Variants in RNF115 observed in about 807,000 individuals in gnomAD.
The protein encoded by RNF115 is ring finger protein 115, also known as E3 ubiquitin-protein ligase RNF115.
RNF115 carries 31 observed loss-of-function variants against 39.2 expected under a neutral mutation model. The ratio of observed to expected loss-of-function variants is 0.79; its 90% CI spans 0.59 to 1.07. RNF115 has a LOEUF of 1.07. RNF115 is among the 50% of genes least tolerant of loss of function. The pLI, the probability that RNF115 is intolerant of heterozygous loss-of-function variation, is 0.00. For missense variants in RNF115, 384 were observed against 381.7 expected (o/e 1.01, Z -0.05); for synonymous variants, 124 against 131.0 (o/e 0.95, Z 0.37).
At chr1:145,759,386 T>G (rs1658418264) in intron 4 of RNF115, among the ~76,000 whole-genome samples, 1 of 152,178 alleles carries the variant, frequency 6.6e-6, no homozygotes, top group South Asian at 2.1e-4. Context: ...TCCTCCAAAC[T>G]TACTCCTCCT....
Position 145,814,151 on chromosome 1 carries a change from T to A in RNF115, c.102+9621A>T, listed in dbSNP as rs587658472. On this transcript the variant is annotated intron_variant, in intron 1 of 8. Transcript: ENST00000582693. ...TAGCCGGGTGTGGTGGTACAGCTAG[T>A]TGGGAGGCTGAGGTGGGAGGATTGC... 1.8e-4 allele frequency among the ~76,000 whole-genome samples: 27 copies of A among 150,922 alleles called. 1 individual carries two copies. In the East Asian group the frequency reaches 4.5e-3, roughly 25 times the overall value.
intron 1 of RNF115, among the ~76,000 whole-genome samples, chr1:145,808,649 C>G (rs1649563621): frequency 6.6e-6 from 1 of 152,064 alleles, no homozygotes; most frequent in African/African-American, 2.4e-5. Flanking sequence ...AGTAAATGTA[C>G]CATTATAAAT....
At chr1:145,779,526 C>G (rs1553717010) in intron 3 of RNF115, among the ~76,000 whole-genome samples, 1 of 151,962 alleles carries the variant, frequency 6.6e-6, no homozygotes, top group African/African-American at 2.4e-5. Flanking sequence ...GACATAATAC[C>G]AAGTAAATTT....
intron 1 of RNF115, among the ~76,000 whole-genome samples, chr1:145,822,274 G>A (rs587769084): frequency 8.8e-4 from 133 of 150,528 alleles, no homozygotes; most frequent in African/African-American, 3.2e-3. Flanking sequence ...GTTGCAGTCA[G>A]CCGAAATCAT....
intron 1 of RNF115, among the ~76,000 whole-genome samples, chr1:145,800,738 A>G (rs1242623611): frequency 6.6e-6 from 1 of 152,224 alleles, no homozygotes; most frequent in African/African-American, 2.4e-5. Flanking sequence ...GAAAGACCTT[A>G]AGGGGAGAAG....
At chr1:145,775,245 T>C (rs1647828485) in intron 3 of RNF115, among the ~76,000 whole-genome samples, 1 of 152,172 alleles carries the variant, frequency 6.6e-6, no homozygotes, top group Non-Finnish European at 1.5e-5. Context: ...TGCTATGTTT[T>C]TTCCTATACA....
At chr1:145,765,441 A>G (rs1184450784) in intron 4 of RNF115, among the ~76,000 whole-genome samples, 1 of 152,072 alleles carries the variant, frequency 6.6e-6, no homozygotes, top group Non-Finnish European at 1.5e-5. Flanking sequence ...TTAAAAAAAA[A>G]TTATTTGAAG....
chr1:145,772,055 C>T (rs1553715864), intron 3 of RNF115, 136 bp from the exon 4 acceptor site: 7 of 719,172 alleles, frequency 9.7e-6, no homozygotes, highest in Non-Finnish European at 1.6e-5. Context: ...ACCAGAGTTT[C>T]TATATTTTTG....
In RNF115 at chr1:145,742,408, CTCAAAG is replaced by C. The variant is rs1657717755; in HGVS notation, c.*4452_*4457del. The stretch of plus-strand genomic sequence containing the variant: ...AGCAACGGATAATGAACACCCTTTC[CTCAAAG>C]TCATTTATTCTCAACCTTTGGAAAT... On this transcript the variant is annotated 3_prime_UTR_variant, in exon 9 of 9. Coordinates refer to ENST00000582693, the MANE Select transcript of RNF115 (RefSeq NM_014455.4). 1 of 152,158 alleles carries C rather than the reference CTCAAAG, an allele frequency of 6.6e-6. No homozygotes were observed. The highest frequency in any genetic ancestry group is 2.4e-5 in the African/African-American group (1 of 41,426). The allele number at this position is 152,158 out of a possible 1,614,324, so 9.4% of individuals were successfully genotyped here. A position where few individuals can be genotyped will look rare whatever the true frequency, so the allele number is the denominator to read the frequency against.
intron 3 of RNF115, among the ~76,000 whole-genome samples, chr1:145,783,088 C>G (rs1648220882): frequency 6.6e-6 from 1 of 152,176 alleles, no homozygotes; most frequent in South Asian, 2.1e-4. Flanking sequence ...GTCTCGAACT[C>G]CAGACCTCAG....
intron 5 of RNF115, 74 bp from the exon 6 acceptor site, chr1:145,751,584 C>T: frequency 1.0e-6 from 1 of 995,260 alleles, no homozygotes; most frequent in South Asian, 1.5e-5. Context: ...AAAAAATTGG[C>T]AGAGGGATCC....
chr1:145,760,971 G>T (rs1258465655), intron 4 of RNF115, among the ~76,000 whole-genome samples: 1 of 152,210 alleles, frequency 6.6e-6, no homozygotes, highest in African/African-American at 2.4e-5. Flanking sequence ...TAAGAAACTT[G>T]TTGGGAACTG....
chr1:145,779,585 T>C (rs1553717021), intron 3 of RNF115, among the ~76,000 whole-genome samples: 1 of 152,164 alleles, frequency 6.6e-6, no homozygotes, highest in East Asian at 1.9e-4. Context: ...TCTAAACAGT[T>C]ATGAGGTATG....
chr1:145,790,106 A>G (rs1182387594), intron 1 of RNF115, among the ~76,000 whole-genome samples: 2 of 152,262 alleles, frequency 1.3e-5, no homozygotes, highest in South Asian at 2.1e-4. Flanking sequence ...TGAAAGGTAG[A>G]GTGTCAAAGA....
chr1:145,761,757 G>C (rs898075988), intron 4 of RNF115, among the ~76,000 whole-genome samples: 16 of 152,362 alleles, frequency 1.1e-4, no homozygotes, highest in Admixed American at 7.8e-4. Context: ...GGATCTGTGA[G>C]AAGTGGGCCA....
At chr1:145,816,855 A>C in intron 1 of RNF115, among the ~76,000 whole-genome samples, 1 of 106,098 alleles carries the variant, frequency 9.4e-6, no homozygotes, top group Non-Finnish European at 2.1e-5. Flanking sequence ...TGTAACCTCA[A>C]ATATCCTGGG....
At chr1:145,800,388 C>T (rs1414379641) in intron 1 of RNF115, among the ~76,000 whole-genome samples, 1 of 152,086 alleles carries the variant, frequency 6.6e-6, no homozygotes, top group Non-Finnish European at 1.5e-5. Flanking sequence ...CCAATAAGAC[C>T]TCTCAGCCCA....
chr1:145,758,325 T>C (rs781941872), intron 4 of RNF115, among the ~76,000 whole-genome samples: 2 of 152,250 alleles, frequency 1.3e-5, no homozygotes, highest in East Asian at 3.9e-4. Context: ...AACTAAGGCC[T>C]CCTGCCAACA....
chr1:145,799,537 T>C (rs1355166549), intron 1 of RNF115, among the ~76,000 whole-genome samples: 1 of 150,926 alleles, frequency 6.6e-6, no homozygotes, highest in Non-Finnish European at 1.5e-5. Flanking sequence ...ATGTTCCTGA[T>C]GTTAGGGGGA....
Sources: gnomAD v4.1 joint callset for allele counts (sites outside exome capture counted in the v4.1 genomes callset) on GRCh38, gnomAD v4.1.1 for gene constraint, MANE v1.5 for transcripts, NCBI Gene and HGNC (gene_info 2026-07-23, HGNC 2026-07-21) for gene names.